Variants in ZFHX3 observed in about 807,000 individuals in gnomAD.
The protein encoded by ZFHX3 is zinc finger homeobox protein 3.
Under a neutral mutation model 279.1 loss-of-function variants are expected in ZFHX3, and 42 were observed. That is an observed-to-expected ratio of 0.15 (90% CI 0.12 to 0.19). The LOEUF is 0.19. ZFHX3 is among the 10% of genes least tolerant of loss of function. The probability of loss-of-function intolerance (pLI) is 1.00; values close to 1 mark genes in which losing one functional copy is unlikely to be tolerated. For missense variants in ZFHX3, 4,981 were observed against 4,754.0 expected (o/e 1.05, Z -1.40); for synonymous variants, 2,293 against 1,957.8 (o/e 1.17, Z -4.52).
intron 4 of ZFHX3, among the ~76,000 whole-genome samples, chr16:73,268,168 T>TC (rs940652194): frequency 6.6e-6 from 1 of 152,196 alleles, no homozygotes; most frequent in African/African-American, 2.4e-5. Flanking sequence ...TCCTTTTTTT[T>TC]CCCTAGACTA....
intron 2 of ZFHX3, chr16:73,609,757 G>A (rs1357002384): frequency 1.3e-5 from 2 of 152,116 alleles, no homozygotes; most frequent in Admixed American, 6.6e-5. Flanking sequence ...AGACATGCCA[G>A]ATAAGAACAG....
At chr16:73,654,854 CT>C (rs1382941693) in intron 2 of ZFHX3, among the ~76,000 whole-genome samples, 2 of 64,142 alleles carry the variant, frequency 3.1e-5, no homozygotes, top group Non-Finnish European at 5.3e-5. Flanking sequence ...ATAGTAATCA[CT>C]TTTTTTTTTT....
chr16:73,138,940 C>T (rs1341632360), intron 6 of ZFHX3, among the ~76,000 whole-genome samples: 6 of 152,192 alleles, frequency 3.9e-5, no homozygotes, highest in East Asian at 1.9e-4. Flanking sequence ...ATCCTCCTGC[C>T]TCGGCCTCCC....
intron 5 of ZFHX3, among the ~76,000 whole-genome samples, chr16:73,172,931 G>GTTTTTTTTT (rs376709821): frequency 4.8e-4 from 47 of 97,096 alleles, no homozygotes; most frequent in East Asian, 9.5e-4. Flanking sequence ...GCTGCCTGTG[G>GTTTTTTTTT]TTTTTTTTTT....
rs2143441522 is a variant in ZFHX3 at position 72,796,917 on chromosome 16, G to A, written c.5765C>T (p.Ala1922Val). The A allele has an allele frequency of 6.2e-7, 1 of 1,613,924 alleles. No homozygotes were observed. Among genetic ancestry groups the A allele is most frequent in the Non-Finnish European group, 8.5e-7 (1 of 1,179,988 alleles). The change falls in exon 9 of 10, where the codon GCA becomes GTA. Residue 1922 changes from alanine to valine, a missense_variant. Transcript: ENST00000268489. ...ALKAKEKKELAPGGGSEPSML... is the reference protein window; with the variant it reads ...ALKAKEKKELVPGGGSEPSML... ...GGAAGGCTCAGAACCACCCCCTGGT[G>A]CCAACTCTTTCTTCTCTTTGGCCTT...
At chr16:73,487,042 C>T (rs933238490) in intron 2 of ZFHX3, 10 of 332,282 alleles carry the variant, frequency 3.0e-5, no homozygotes, top group African/African-American at 1.3e-4. Context: ...AGAACTAAAA[C>T]GATGGAAAAT....
chr16:73,347,064 C>T (rs926154332), intron 3 of ZFHX3, among the ~76,000 whole-genome samples: 1 of 152,174 alleles, frequency 6.6e-6, no homozygotes, highest in Non-Finnish European at 1.5e-5. Context: ...GGTGCCTGAA[C>T]CCAGATTCAA....
intron 5 of ZFHX3, among the ~76,000 whole-genome samples, chr16:73,228,052 A>G (rs2012659662): frequency 6.6e-6 from 1 of 152,130 alleles, no homozygotes; most frequent in African/African-American, 2.4e-5. Flanking sequence ...AATGAGAACC[A>G]GAGAAAGTAA....
intron 4 of ZFHX3, among the ~76,000 whole-genome samples, chr16:73,302,815 G>T (rs934958930): frequency 7.2e-5 from 11 of 152,322 alleles, no homozygotes; most frequent in Admixed American, 7.2e-4. Flanking sequence ...GAAGTCAGTG[G>T]CCACATCCCT....
chr16:72,786,958 A>T lies in ZFHX3; in HGVS notation c.*206T>A. ...GCTTTTTTTTTTTTTTTAATATTAA[A>T]AGAAAAGAAAAAGACAAGAATGTAA... is the stretch of plus-strand genomic sequence containing the variant. On this transcript the variant is annotated 3_prime_UTR_variant, in exon 10 of 10. Coordinates refer to ENST00000268489, the MANE Select transcript of ZFHX3 (RefSeq NM_006885.4). 1 of 388,684 alleles carries T rather than the reference A, an allele frequency of 2.6e-6. No individual in the cohort carries two copies. The highest frequency in any genetic ancestry group is 4.0e-6 in the Non-Finnish European group (1 of 247,526). 24.1% of individuals were successfully genotyped at this position (388,684 alleles called of 1,614,324 possible).
chr16:73,319,530 G>T (rs1053411192), intron 3 of ZFHX3, among the ~76,000 whole-genome samples: 1 of 151,930 alleles, frequency 6.6e-6, no homozygotes, highest in Non-Finnish European at 1.5e-5. Context: ...ATGGAGTCCC[G>T]CTGGGGGAAG....
intron 4 of ZFHX3, among the ~76,000 whole-genome samples, chr16:73,302,212 T>C (rs2143135397): frequency 6.6e-6 from 1 of 152,258 alleles, no homozygotes; most frequent in East Asian, 1.9e-4. Flanking sequence ...GTCTTGGTTC[T>C]CTCTTTCCTT....
chr16:72,952,601 T>C (rs556274022), intron 2 of ZFHX3, among the ~76,000 whole-genome samples: 4 of 152,276 alleles, frequency 2.6e-5, no homozygotes, highest in Non-Finnish European at 5.9e-5. Flanking sequence ...GCGGGACTGC[T>C]GCACGTTCAG....
intron 2 of ZFHX3, among the ~76,000 whole-genome samples, chr16:73,595,696 C>A (rs1363264798): frequency 6.6e-6 from 1 of 152,168 alleles, no homozygotes; most frequent in East Asian, 1.9e-4. Flanking sequence ...TTACGGGTAT[C>A]TCTTCTTAAA....
chr16:73,149,771 G>A (rs931331350), intron 5 of ZFHX3, among the ~76,000 whole-genome samples: 1 of 152,136 alleles, frequency 6.6e-6, no homozygotes, highest in Admixed American at 6.5e-5. Flanking sequence ...GAATGTGAAA[G>A]AAACAATAAT....
chr16:73,587,854 A>T (rs2051943696), intron 2 of ZFHX3, among the ~76,000 whole-genome samples: 1 of 152,228 alleles, frequency 6.6e-6, no homozygotes. Context: ...TTTCAAAAAA[A>T]TGCAGAATTT....
Position 73,393,351 on chromosome 16 carries a change from TC to T in ZFHX3, c.-1291+62651del, listed in dbSNP as rs572595329. 6.6e-5 allele frequency among the ~76,000 whole-genome samples: 10 copies of T among 152,292 alleles called. No homozygotes were observed. In the South Asian group the frequency reaches 2.1e-3, roughly 32 times the overall value. ...TGGGCTGATGACTGGGCCCATGACATCCCCCATGATCACTGACAGTATTTTA... is the reference window on the plus strand; with the variant it reads ...TGGGCTGATGACTGGGCCCATGACATCCCCATGATCACTGACAGTATTTTA... On this transcript the variant is annotated intron_variant, in intron 3 of 17. Coordinates refer to the ZFHX3 transcript ENST00000641206.
intron 2 of ZFHX3, among the ~76,000 whole-genome samples, chr16:73,483,700 A>T (rs2018915300): frequency 6.6e-6 from 1 of 152,160 alleles, no homozygotes; most frequent in Non-Finnish European, 1.5e-5. Context: ...TGGTATGTAT[A>T]GTATGCAAAT....
intron 5 of ZFHX3, among the ~76,000 whole-genome samples, chr16:73,243,591 A>C (rs1471083819): frequency 1.3e-5 from 2 of 152,226 alleles, no homozygotes; most frequent in Non-Finnish European, 2.9e-5. Flanking sequence ...ACATCCCTGT[A>C]ATATTCTCGT....
Sources: allele counts gnomAD v4.1 joint callset (sites outside exome capture counted in the v4.1 genomes callset), GRCh38; gene constraint gnomAD v4.1.1; transcripts MANE v1.5; gene names NCBI Gene and HGNC (gene_info 2026-07-23, HGNC 2026-07-21).